Variants in CPA6 observed in about 807,000 individuals in gnomAD.
CPA6 encodes carboxypeptidase A6.
A neutral mutation model predicts 63.3 loss-of-function variants in CPA6; 58 were observed. The observed-to-expected ratio is 0.92, with a 90% CI of 0.74 to 1.14. The LOEUF (loss-of-function observed/expected upper bound fraction) is 1.14. Ranked by LOEUF, CPA6 falls within the 50% of genes most tolerant of loss-of-function variation. The pLI is 0.00. For missense variants in CPA6, 565 were observed against 526.6 expected, an observed-to-expected ratio of 1.07 and a Z score of -0.71; for synonymous variants, 185 against 179.0, an observed-to-expected ratio of 1.03 and a Z score of -0.27.
chr8:67,740,601 G>C (rs1354839911), intron 1 of CPA6, among the ~76,000 whole-genome samples: 1 of 152,124 alleles, frequency 6.6e-6, no homozygotes, highest in Non-Finnish European at 1.5e-5. Context: ...ACTGAGTCTT[G>C]CTCTGATGCC....
chr8:67,449,810 CTTTT>C (rs35803454), intron 8 of CPA6, among the ~76,000 whole-genome samples: 2 of 124,268 alleles, frequency 1.6e-5, no homozygotes, highest in Admixed American at 8.5e-5. Flanking sequence ...CAAGCCATCT[CTTTT>C]TTTTTTTTTT....
In CPA6 at chr8:67,434,130, T is replaced by C. The variant is rs1359107210; in HGVS notation, c.949A>G (p.Ile317Val). 1 of 1,614,022 alleles carries C rather than the reference T, an allele frequency of 6.2e-7. No homozygotes were observed. Among genetic ancestry groups the C allele is most frequent in the East Asian group, 2.2e-5 (1 of 44,878 alleles). The part of the protein sequence containing the change: ...ANFLRKHRKH[I>V]RAYLSFHAYA... ...GCATGAAAGGAGAGATAAGCCCTAA[T>C]GTGCTTTCTGTGTTTTCGAAGGAAG... The change falls in exon 9 of 11, where the codon ATT becomes GTT. Residue 317 changes from isoleucine to valine, a missense_variant. By Grantham distance (29) the Ile-to-Val change is conservative (BLOSUM62 3). Transcript: ENST00000297770.
intron 2 of CPA6, among the ~76,000 whole-genome samples, chr8:67,577,865 G>A (rs527290471): frequency 6.6e-6 from 1 of 152,318 alleles, no homozygotes; most frequent in East Asian, 1.9e-4. Context: ...TTCGAGTCAT[G>A]TGGGATAAGA....
chr8:67,706,707 CAT>C (rs1286891136), intron 1 of CPA6, among the ~76,000 whole-genome samples: 5 of 152,020 alleles, frequency 3.3e-5, no homozygotes, highest in African/African-American at 1.2e-4. Context: ...AGAAGCACAA[CAT>C]AGTTTTCTTA....
chr8:67,431,301 G>A (rs1310914947), intron 9 of CPA6, among the ~76,000 whole-genome samples: 1 of 151,550 alleles, frequency 6.6e-6, no homozygotes, highest in African/African-American at 2.4e-5. Flanking sequence ...ATGCAGTGAT[G>A]CCATCTTGGC....
At chr8:67,659,911 T>C (rs1816071040) in intron 1 of CPA6, among the ~76,000 whole-genome samples, 1 of 152,220 alleles carries the variant, frequency 6.6e-6, no homozygotes, top group African/African-American at 2.4e-5. Flanking sequence ...TTTTACCCAG[T>C]GATAAGGCAA....
intron 1 of CPA6, among the ~76,000 whole-genome samples, chr8:67,687,128 C>A (rs549202094): frequency 6.6e-6 from 1 of 152,232 alleles, no homozygotes; most frequent in South Asian, 2.1e-4. Flanking sequence ...AATAAAATAG[C>A]AAATTAATTG....
At position 67,475,797 on chromosome 8, in the gene CPA6, CTTTCTTTCTTTCTTTCTTTCCTTTCT is replaced by C. The variant is rs1563967391; in HGVS notation, c.838+7945_838+7970del. Among the ~76,000 whole-genome samples the C allele has an allele frequency of 9.7e-4, 40 of 41,122 alleles. 1 individual carries two copies. The highest frequency in any genetic ancestry group is 6.4e-3 in the African/African-American group (36 of 5,636). The allele number at this position is 41,122 out of a possible 152,430, so 27.0% of individuals were successfully genotyped here. A position where few individuals can be genotyped will look rare whatever the true frequency, so the allele number is the denominator to read the frequency against. On this transcript the variant is annotated intron_variant, in intron 8 of 10. Transcript: ENST00000297770. ...TCTTTCTTTCTTTCTTTCTTTCTTTCTTTCTTTCTTTCTTTCTTTCCTTTCTTTTCTTTCTTTCTTTCTTTCTTTCT... is the reference window on the plus strand; with the variant it reads ...TCTTTCTTTCTTTCTTTCTTTCTTTCTTTCTTTCTTTCTTTCTTTCTTTCT...
chr8:67,474,294 T>TCACTGC (rs1424717602), intron 8 of CPA6, among the ~76,000 whole-genome samples: 2 of 152,162 alleles, frequency 1.3e-5, no homozygotes, highest in Non-Finnish European at 2.9e-5. Flanking sequence ...CGATCTTGGC[T>TCACTGC]CACTGCCACC....
At chr8:67,519,351 A>G (rs1435847364) in intron 2 of CPA6, among the ~76,000 whole-genome samples, 1 of 152,134 alleles carries the variant, frequency 6.6e-6, no homozygotes, top group Admixed American at 6.5e-5. Context: ...TCTACCTCTG[A>G]CTGCTCTGGG....
At chr8:67,460,148 G>T (rs1810768334) in intron 8 of CPA6, among the ~76,000 whole-genome samples, 1 of 152,154 alleles carries the variant, frequency 6.6e-6, no homozygotes, top group South Asian at 2.1e-4. Flanking sequence ...TAGCTGGCTT[G>T]TCAACCTCAC....
chr8:67,610,894 A>G (rs918164268), intron 2 of CPA6, among the ~76,000 whole-genome samples: 3 of 152,218 alleles, frequency 2.0e-5, no homozygotes, highest in African/African-American at 4.8e-5. Context: ...TTTTCAATCT[A>G]TAAATTGGGA....
At chr8:67,550,167 A>G (rs549221566) in intron 2 of CPA6, among the ~76,000 whole-genome samples, 1 of 152,280 alleles carries the variant, frequency 6.6e-6, no homozygotes, top group African/African-American at 2.4e-5. Flanking sequence ...AGTATCCAAC[A>G]GTTAGTCTTT....
intron 8 of CPA6, among the ~76,000 whole-genome samples, chr8:67,446,153 C>T (rs1293424923): frequency 1.3e-5 from 2 of 151,676 alleles, no homozygotes; most frequent in African/African-American, 4.8e-5. Context: ...GTAGTCCCAG[C>T]TACTCTGGAG....
chr8:67,547,764 G>C (rs897242476), intron 2 of CPA6, among the ~76,000 whole-genome samples: 3 of 152,142 alleles, frequency 2.0e-5, no homozygotes, highest in African/African-American at 7.2e-5. Flanking sequence ...AAAGTGTTGG[G>C]ATCACTAGTG....
chr8:67,611,760 C>T (rs1319678081), intron 2 of CPA6, among the ~76,000 whole-genome samples: 1 of 152,186 alleles, frequency 6.6e-6, no homozygotes, highest in Non-Finnish European at 1.5e-5. Context: ...GGCCCAGTGA[C>T]ACTTACTCTC....
At chr8:67,651,891 C>A (rs188174239) in intron 1 of CPA6, among the ~76,000 whole-genome samples, 3 of 152,022 alleles carry the variant, frequency 2.0e-5, no homozygotes, top group East Asian at 1.9e-4. Flanking sequence ...ATCCCTCCCC[C>A]CTGCCCCCAC....
intron 2 of CPA6, among the ~76,000 whole-genome samples, chr8:67,521,499 G>T (rs1812256283): frequency 2.0e-5 from 3 of 152,312 alleles, no homozygotes; most frequent in African/African-American, 7.2e-5. Flanking sequence ...ATAGCAGAGG[G>T]TCACATAGTA....
intron 1 of CPA6, among the ~76,000 whole-genome samples, chr8:67,656,108 C>T (rs1464749034): frequency 6.6e-6 from 1 of 151,948 alleles, no homozygotes; most frequent in Non-Finnish European, 1.5e-5. Context: ...TTTTCTTTTG[C>T]TTTGTTTTTG....
Sources: gnomAD v4.1 joint callset for allele counts (sites outside exome capture counted in the v4.1 genomes callset) on GRCh38, gnomAD v4.1.1 for gene constraint, MANE v1.5 for transcripts, NCBI Gene and HGNC (gene_info 2026-07-23, HGNC 2026-07-21) for gene names.